ASIC2: variants seen among roughly 807,000 people sequenced by gnomAD.
The protein encoded by ASIC2 is acid sensing ion channel subunit 2.
A neutral mutation model predicts 57.3 loss-of-function variants in ASIC2; 25 were observed. That is an observed-to-expected ratio of 0.44 (90% CI 0.32 to 0.61). ASIC2 has a LOEUF of 0.61. Among genes scored for constraint, ASIC2 ranks in the 20% least tolerant of loss-of-function variants. ASIC2 has a pLI of 0.06. For missense variants in ASIC2, 641 were observed against 738.1 expected, an observed-to-expected ratio of 0.87 and a Z score of 1.52; for synonymous variants, 319 against 307.5, an observed-to-expected ratio of 1.04 and a Z score of -0.39.
chr17:33,939,998 G>A (rs1177402210), intron 1 of ASIC2, among the ~76,000 whole-genome samples: 1 of 152,098 alleles, frequency 6.6e-6, no homozygotes, highest in Non-Finnish European at 1.5e-5. Flanking sequence ...TAATGGCAGG[G>A]ATAAAAGAAA....
chr17:34,031,731 C>T (rs1907621069), intron 1 of ASIC2, among the ~76,000 whole-genome samples: 1 of 151,898 alleles, frequency 6.6e-6, no homozygotes, highest in Admixed American at 6.6e-5. Flanking sequence ...GCCTCAGTAG[C>T]CAATGCGATC....
chr17:33,775,873 C>T (rs913971066), intron 1 of ASIC2, among the ~76,000 whole-genome samples: 5 of 152,158 alleles, frequency 3.3e-5, no homozygotes, highest in Admixed American at 2.0e-4. Context: ...TGGCTCACAC[C>T]TGTAATCCCA....
intron 1 of ASIC2, among the ~76,000 whole-genome samples, chr17:33,217,995 C>T (rs924518835): frequency 1.3e-5 from 2 of 152,238 alleles, no homozygotes; most frequent in Admixed American, 6.5e-5. Context: ...GCCCTCTTGG[C>T]GTAACCCAGC....
chr17:33,767,464 T>C (rs1910967653), intron 1 of ASIC2, among the ~76,000 whole-genome samples: 1 of 152,216 alleles, frequency 6.6e-6, no homozygotes, highest in Non-Finnish European at 1.5e-5. Flanking sequence ...AATCAGAGGT[T>C]ACAATTTATT....
At chr17:33,621,044 G>A (rs1490369418) in intron 1 of ASIC2, among the ~76,000 whole-genome samples, 1 of 152,116 alleles carries the variant, frequency 6.6e-6, no homozygotes, top group Non-Finnish European at 1.5e-5. Context: ...TATTCAAGAG[G>A]CTAGCTGCTT....
intron 3 of ASIC2, among the ~76,000 whole-genome samples, chr17:33,072,661 G>T (rs960712231): frequency 9.2e-5 from 14 of 152,192 alleles, no homozygotes; most frequent in Non-Finnish European, 1.9e-4. Context: ...TTGACGGGGA[G>T]AGAGTTTGAG....
intron 1 of ASIC2, among the ~76,000 whole-genome samples, chr17:33,699,723 T>C (rs16968769): frequency 0.14 from 20,896 of 152,166 alleles, 1,470 homozygotes; most frequent in Admixed American, 0.14. Flanking sequence ...AGGGGGTTGT[T>C]GGTTAAGAAC....
intron 1 of ASIC2, among the ~76,000 whole-genome samples, chr17:34,040,433 G>GT (rs1290456275): frequency 4.1e-5 from 6 of 145,830 alleles, no homozygotes; most frequent in African/African-American, 1.6e-4. Flanking sequence ...AGCGCCGACA[G>GT]TGGGGGAGGA....
Position 34,018,348 on chromosome 17 carries a change from C to A in ASIC2, c.555+137630G>T, listed in dbSNP as rs528298866. Among the ~76,000 whole-genome samples, 9 of 152,278 alleles carry A rather than the reference C, an allele frequency of 5.9e-5. No homozygotes were observed. The South Asian group carries it at 1.9e-3, about 32-fold the overall frequency. ...AAATATTCCTGTAAAAATATTACTG[C>A]CATTGACAATGCATCTGGTGACCCA... On this transcript the variant is annotated intron_variant, in intron 1 of 9. Coordinates refer to the ASIC2 transcript ENST00000359872.
At chr17:33,882,267 A>G (rs1180069758) in intron 1 of ASIC2, among the ~76,000 whole-genome samples, 1 of 152,224 alleles carries the variant, frequency 6.6e-6, no homozygotes, top group Admixed American at 6.5e-5. Context: ...AATGGGATCT[A>G]ATTAAACTAA....
At chr17:33,224,053 G>C (rs368024159) in intron 1 of ASIC2, among the ~76,000 whole-genome samples, 7 of 152,316 alleles carry the variant, frequency 4.6e-5, no homozygotes, top group African/African-American at 1.7e-4. Flanking sequence ...TTCTGGGAAA[G>C]GGCTCTCATT....
In ASIC2 at chr17:34,074,784, T is replaced by TC. The variant is rs1368665292; in HGVS notation, c.555+81193_555+81194insG. 3.6e-3 allele frequency among the ~76,000 whole-genome samples: 482 copies of TC among 134,004 alleles called. 2 individuals carry two copies. Among genetic ancestry groups the TC allele is most frequent in the African/African-American group, 0.013 (432 of 32,362 alleles). The allele number at this position is 134,004 out of a possible 152,430, so 87.9% of individuals were successfully genotyped here. On this transcript the variant is annotated intron_variant, in intron 1 of 9. Coordinates refer to the ASIC2 transcript ENST00000359872. The stretch of plus-strand genomic sequence containing the variant: ...GTGGCTTTTTTCTTTCTTTCTTTCT[T>TC]TTTTTTTTTTTTTTTTTTTGAGACA...
At chr17:33,317,071 C>T (rs180890998) in intron 1 of ASIC2, among the ~76,000 whole-genome samples, 7 of 152,342 alleles carry the variant, frequency 4.6e-5, no homozygotes, top group Non-Finnish European at 1.0e-4. Context: ...TCTTGGGTAC[C>T]ATTCTTGTGT....
intron 1 of ASIC2, among the ~76,000 whole-genome samples, chr17:33,422,340 C>A (rs1021524929): frequency 6.6e-6 from 1 of 152,170 alleles, no homozygotes; most frequent in Non-Finnish European, 1.5e-5. Flanking sequence ...TGTAGCAACC[C>A]CCGTCCCCAC....
intron 1 of ASIC2, among the ~76,000 whole-genome samples, chr17:33,735,464 C>A (rs987918949): frequency 6.6e-6 from 1 of 152,090 alleles, no homozygotes; most frequent in Non-Finnish European, 1.5e-5. Context: ...TCAGACATAG[C>A]AGGTTCCTTT....
chr17:34,099,787 AAAGAAAG>A (rs1482686696), intron 1 of ASIC2, among the ~76,000 whole-genome samples: 3 of 85,552 alleles, frequency 3.5e-5, no homozygotes, highest in African/African-American at 1.1e-4. Context: ...AGAAAGAAAG[AAAGAAAG>A]AAAGAAAGAA....
At chr17:33,678,691 C>A (rs912392057) in intron 1 of ASIC2, among the ~76,000 whole-genome samples, 1 of 152,080 alleles carries the variant, frequency 6.6e-6, no homozygotes, top group Non-Finnish European at 1.5e-5. Flanking sequence ...CCCTGAGGTT[C>A]GGTGAGGAGT....
intron 1 of ASIC2, among the ~76,000 whole-genome samples, chr17:33,220,807 C>T (rs147149448): frequency 1.3e-5 from 2 of 152,276 alleles, no homozygotes; most frequent in East Asian, 3.9e-4. Flanking sequence ...GTGGCTCATA[C>T]CTGTAATCCC....
At chr17:33,019,138 A>C (rs2091823228) in intron 7 of ASIC2, among the ~76,000 whole-genome samples, 1 of 151,998 alleles carries the variant, frequency 6.6e-6, no homozygotes, top group Non-Finnish European at 1.5e-5. Context: ...GAGGTGTGTG[A>C]TGTACGTGTG....
Sources: gnomAD v4.1 joint callset for allele counts (sites outside exome capture counted in the v4.1 genomes callset) on GRCh38, gnomAD v4.1.1 for gene constraint, MANE v1.5 for transcripts, NCBI Gene and HGNC (gene_info 2026-07-23, HGNC 2026-07-21) for gene names.